EFCAB14: variants seen among roughly 807,000 people sequenced by gnomAD.
EFCAB14 encodes the protein EF-hand calcium binding domain 14.
EFCAB14 carries 43 observed loss-of-function variants against 56.5 expected under a neutral mutation model. That is an observed-to-expected ratio of 0.76 (90% CI 0.60 to 0.98). The LOEUF is 0.98. EFCAB14 is among the 50% of genes least tolerant of loss of function. The pLI, the probability that EFCAB14 is intolerant of heterozygous loss-of-function variation, is 0.00. For missense variants in EFCAB14, 538 were observed against 580.3 expected (o/e 0.93, Z 0.75); for synonymous variants, 235 against 212.9 (o/e 1.10, Z -0.90).
rs372623775 is a variant in EFCAB14 at position 46,700,019 on chromosome 1, A to G, written c.481-3370T>C. Among the ~76,000 whole-genome samples the G allele has an allele frequency of 1.5e-4, 23 of 152,202 alleles. No individual in the cohort carries two copies. The East Asian group carries it at 3.1e-3, about 20-fold the overall frequency. ...CTACCAAAAGCCATGTGAGTGAGGA[A>G]CCTCCAGCCCCAGTCAGACCTCCAG... On this transcript the variant is annotated intron_variant, in intron 3 of 10. Coordinates refer to ENST00000371933, the MANE Select transcript of EFCAB14 (RefSeq NM_014774.3).
In EFCAB14 at chr1:46,690,340, A is replaced by G. The variant is rs965130873; in HGVS notation, c.691-649T>C. Reference sequence around the variant, plus strand: ...TGCATGGCTTAACCCTTCAGAGCCCATAACTATGACTTATCTAGCACAAAG... The same window carrying G: ...TGCATGGCTTAACCCTTCAGAGCCCGTAACTATGACTTATCTAGCACAAAG... On this transcript the variant is annotated intron_variant, in intron 5 of 10. Coordinates refer to ENST00000371933, the MANE Select transcript of EFCAB14 (RefSeq NM_014774.3). 5.3e-5 allele frequency among the ~76,000 whole-genome samples: 8 copies of G among 152,200 alleles called. No homozygotes were observed. In the South Asian group the frequency reaches 8.3e-4, roughly 16 times the overall value.
At chr1:46,715,423 G>A (rs551693746) in intron 2 of EFCAB14, among the ~76,000 whole-genome samples, 7 of 152,250 alleles carry the variant, frequency 4.6e-5, no homozygotes, top group South Asian at 2.1e-4. Flanking sequence ...CCATCTCACC[G>A]GATTATTTTG....
At chr1:46,691,040 T>C (rs143329600) in intron 5 of EFCAB14, among the ~76,000 whole-genome samples, 52 of 152,288 alleles carry the variant, frequency 3.4e-4, no homozygotes, top group African/African-American at 1.2e-3. Flanking sequence ...ATCCTTTTTT[T>C]ACTCTTCATA....
intron 10 of EFCAB14, chr1:46,682,335 G>A (rs1194960107): frequency 6.6e-6 from 1 of 152,218 alleles, no homozygotes; most frequent in East Asian, 1.9e-4. Flanking sequence ...TGGTGGACAG[G>A]AGCAAGTGAT....
In EFCAB14 at chr1:46,677,975, AC is replaced by A. The variant is rs1676721797; in HGVS notation, c.*485del. On this transcript the variant is annotated 3_prime_UTR_variant, in exon 11 of 11. Transcript: ENST00000371933. ...TATCCTGTTCAAAACCATTCTTCCT[AC>A]TTTCCACACAATATGCACAATGCTT... is the stretch of plus-strand genomic sequence containing the variant. 1 of 153,336 alleles carries A rather than the reference AC, an allele frequency of 6.5e-6. No homozygotes were observed. The highest frequency in any genetic ancestry group is 6.5e-5 in the Admixed American group (1 of 15,282). The allele number at this position is 153,336 out of a possible 1,614,324, so 9.5% of individuals were successfully genotyped here. A position where few individuals can be genotyped will look rare whatever the true frequency, so the allele number is the denominator to read the frequency against.
At chr1:46,687,898 T>C (rs966479668) in intron 7 of EFCAB14, among the ~76,000 whole-genome samples, 3 of 152,124 alleles carry the variant, frequency 2.0e-5, no homozygotes, top group Admixed American at 6.5e-5. Flanking sequence ...CCTTAATATA[T>C]AGACAGCAGG....
intron 4 of EFCAB14, among the ~76,000 whole-genome samples, chr1:46,693,835 T>G (rs947577639): frequency 6.6e-6 from 1 of 152,246 alleles, no homozygotes; most frequent in African/African-American, 2.4e-5. Flanking sequence ...ATTGAATGAA[T>G]AAATTCAAGA....
chr1:46,701,566 C>T (rs1440486), intron 3 of EFCAB14, among the ~76,000 whole-genome samples: 37,927 of 152,086 alleles, frequency 0.25, 5,024 homozygotes, highest in East Asian at 0.35. Context: ...AGAAGTATCT[C>T]GGGAATGGTA....
rs894425146 is a variant in EFCAB14, at chr1:46,693,669, G to GT, written c.580-1733dup. 3.4e-4 allele frequency among the ~76,000 whole-genome samples: 51 copies of GT among 152,160 alleles called. 5 individuals carry two copies. The highest frequency in any genetic ancestry group is 4.4e-5 in the Non-Finnish European group (3 of 68,016). The stretch of plus-strand genomic sequence containing the variant: ...GAACCCATTGGGATGCCAGAAGATA[G>GT]TAAGCTCTTGTTTAAGGATTTTTTT... On this transcript the variant is annotated intron_variant, in intron 4 of 10. Transcript: ENST00000371933.
chr1:46,713,105 T>C (rs914445171), intron 2 of EFCAB14, among the ~76,000 whole-genome samples: 1 of 152,152 alleles, frequency 6.6e-6, no homozygotes, highest in African/African-American at 2.4e-5. Context: ...CCTAACAAGA[T>C]TGGTTCCATT....
At chr1:46,707,020 G>A (rs187593984) in intron 3 of EFCAB14, among the ~76,000 whole-genome samples, 2 of 152,274 alleles carry the variant, frequency 1.3e-5, no homozygotes, top group East Asian at 3.9e-4. Flanking sequence ...CCCCACTCCT[G>A]GACCATTGCT....
chr1:46,683,219 T>C (rs892711401), intron 10 of EFCAB14, 81 bp downstream of exon 10: 17 of 1,479,982 alleles, frequency 1.1e-5, no homozygotes, highest in Non-Finnish European at 1.5e-5. Flanking sequence ...AGATCATATA[T>C]ATTTTTGACA....
At position 46,718,291 on chromosome 1, in the gene EFCAB14, G is replaced by A; in HGVS notation, c.-204C>T. 1.9e-6 allele frequency: 1 copy of A among 530,660 alleles called. No individual in the cohort carries two copies. Among genetic ancestry groups the A allele is most frequent in the South Asian group, 2.7e-5 (1 of 36,996 alleles). The allele number at this position is 530,660 out of a possible 1,614,324, so 32.9% of individuals were successfully genotyped here. A position where few individuals can be genotyped will look rare whatever the true frequency, so the allele number is the denominator to read the frequency against. On this transcript the variant is annotated 5_prime_UTR_variant, in exon 1 of 11. Coordinates refer to ENST00000371933, the MANE Select transcript of EFCAB14 (RefSeq NM_014774.3). ...CCCAGAGGAAACTGGAACTCAGATG[G>A]GTGGGGGAAATCACATAGAAATGGC...
intron 2 of EFCAB14, among the ~76,000 whole-genome samples, chr1:46,709,034 C>A (rs766481465): frequency 6.6e-6 from 1 of 151,436 alleles, no homozygotes; most frequent in Non-Finnish European, 1.5e-5. Context: ...TATAAAATAA[C>A]TTCCTAAAAT....
At chr1:46,696,429 G>A (rs1677078365) in intron 4 of EFCAB14, 122 bp downstream of exon 4, 3 of 930,478 alleles carry the variant, frequency 3.2e-6, no homozygotes, top group Non-Finnish European at 3.3e-6. Context: ...TGCCCTCTTG[G>A]AGCAGCTGAT....
Position 46,685,379 on chromosome 1 carries a change from C to T in EFCAB14, c.1075-777G>A, listed in dbSNP as rs529491672. 5.3e-5 allele frequency among the ~76,000 whole-genome samples: 8 copies of T among 152,318 alleles called. No homozygotes were observed. The East Asian group carries it at 1.5e-3, about 29-fold the overall frequency. ...ATCCTATGTTTAATTAGAACACCAACTCATTACACATTTATTTTATTATTG... is the reference window on the plus strand; with the variant it reads ...ATCCTATGTTTAATTAGAACACCAATTCATTACACATTTATTTTATTATTG... On this transcript the variant is annotated intron_variant, in intron 8 of 10. Coordinates refer to ENST00000371933, the MANE Select transcript of EFCAB14 (RefSeq NM_014774.3).
At position 46,716,353 on chromosome 1, in the gene EFCAB14, C is replaced by T; in HGVS notation, c.276G>A (p.Val92=). Residue 92 remains valine, a synonymous_variant, in exon 2 of 11, where the codon GTG becomes GTA. Transcript: ENST00000371933. ...CCTCCTTGAGAGCAACCTGCATCCACACCAAGCCAACACAGGCCACAACAC... is the reference window on the plus strand; with the variant it reads ...CCTCCTTGAGAGCAACCTGCATCCATACCAAGCCAACACAGGCCACAACAC... ...AACVVACVGL[V]WMQVALKEDL... The T allele has an allele frequency of 6.2e-7, 1 of 1,613,252 alleles. No individual in the cohort carries two copies. Among genetic ancestry groups the T allele is most frequent in the African/African-American group, 1.3e-5 (1 of 74,788 alleles).
rs1676731133 is a variant in EFCAB14 at position 46,678,451 on chromosome 1, C to T, written c.*10G>A. On this transcript the variant is annotated 3_prime_UTR_variant, in exon 11 of 11. Coordinates refer to ENST00000371933, the MANE Select transcript of EFCAB14 (RefSeq NM_014774.3). ...TTAGGCAGTCCATTTCTAAAATATG[C>T]CTGATGAAGCTAGATACCTAAAGCT... The T allele has an allele frequency of 1.2e-6, 2 of 1,613,338 alleles. No individual in the cohort carries two copies. Among genetic ancestry groups the T allele is most frequent in the South Asian group, 1.1e-5 (1 of 91,018 alleles).
Position 46,696,574 on chromosome 1 carries a change from T to C in EFCAB14, c.556A>G (p.Thr186Ala), listed in dbSNP as rs750077756. The C allele has an allele frequency of 6.2e-6, 10 of 1,613,632 alleles. No homozygotes were observed. Among genetic ancestry groups the C allele is most frequent in the Middle Eastern group, 3.3e-4 (2 of 6,054 alleles). Residue 186 changes from threonine to alanine, a missense_variant, in exon 4 of 11, where the codon ACC becomes GCC. Thr to Ala is a moderately conservative substitution (Grantham distance 58). Coordinates refer to ENST00000371933, the MANE Select transcript of EFCAB14 (RefSeq NM_014774.3). ...ACCTTCTGAAGTCCCTCTACAGTGG[T>C]AGGCAGGCTAATCAAGTCTGCAGCT... The part of the protein sequence containing the change: ...KSAADLISLP[T>A]TVEGLQKSVA...
Sources: gnomAD v4.1 joint callset for allele counts (sites outside exome capture counted in the v4.1 genomes callset) on GRCh38, gnomAD v4.1.1 for gene constraint, MANE v1.5 for transcripts, NCBI Gene and HGNC (gene_info 2026-07-23, HGNC 2026-07-21) for gene names.